C13orf42: variants seen among roughly 807,000 people sequenced by gnomAD.
C13orf42 encodes chromosome 13 open reading frame 42.
intron 1 of C13orf42, among the ~76,000 whole-genome samples, chr13:51,159,953 A>G (rs2138046775): frequency 6.6e-6 from 1 of 152,324 alleles, no homozygotes; most frequent in East Asian, 1.9e-4. Flanking sequence ...GGCAGCAGCA[A>G]GAGAGAATGA....
chr13:51,144,728 A>G (rs1422335741), intron 1 of C13orf42, among the ~76,000 whole-genome samples: 3 of 152,136 alleles, frequency 2.0e-5, no homozygotes, highest in African/African-American at 7.2e-5. Context: ...GAAGCCCCAG[A>G]TTTATCTTGG....
At chr13:51,149,728 G>A (rs919013920) in intron 1 of C13orf42, among the ~76,000 whole-genome samples, 7 of 152,236 alleles carry the variant, frequency 4.6e-5, no homozygotes, top group Admixed American at 2.6e-4. Flanking sequence ...TGCTCAGTTC[G>A]GGAAACAGTT....
chr13:51,141,768 A>G (rs1953697872), intron 1 of C13orf42, among the ~76,000 whole-genome samples: 1 of 151,538 alleles, frequency 6.6e-6, no homozygotes, highest in Non-Finnish European at 1.5e-5. Flanking sequence ...ACTGCACTCC[A>G]GCCTGGGTGA....
At chr13:51,141,117 T>TGTGC (rs1953693092) in intron 1 of C13orf42, among the ~76,000 whole-genome samples, 1 of 150,690 alleles carries the variant, frequency 6.6e-6, no homozygotes, top group Non-Finnish European at 1.5e-5. Flanking sequence ...TGTGTGTGTG[T>TGTGC]GTGTGTGTGT....
intron 1 of C13orf42, among the ~76,000 whole-genome samples, chr13:51,170,997 A>G (rs1388228078): frequency 1.3e-5 from 2 of 151,192 alleles, no homozygotes; most frequent in Non-Finnish European, 2.9e-5. Flanking sequence ...CCGCACCCTG[A>G]CCTCTTATCT....
At chr13:51,171,453 G>A (rs373921552) in intron 1 of C13orf42, among the ~76,000 whole-genome samples, 4 of 151,254 alleles carry the variant, frequency 2.6e-5, no homozygotes, top group Non-Finnish European at 4.4e-5. Context: ...TTTCCCTCCC[G>A]CCTGTCCCCT....
chr13:51,144,097 T>C (rs572514202), intron 1 of C13orf42, among the ~76,000 whole-genome samples: 13 of 152,266 alleles, frequency 8.5e-5, no homozygotes, highest in African/African-American at 3.1e-4. Flanking sequence ...CTTGTTTTGG[T>C]CCTCTTTAGA....
At chr13:51,167,436 TAAC>T (rs1276449317) in intron 1 of C13orf42, among the ~76,000 whole-genome samples, 4 of 152,304 alleles carry the variant, frequency 2.6e-5, no homozygotes, top group South Asian at 4.1e-4. Flanking sequence ...GATATTTGTC[TAAC>T]AACAATAGGT....
At chr13:51,171,503 C>A (rs2138057820) in intron 1 of C13orf42, among the ~76,000 whole-genome samples, 1 of 152,212 alleles carries the variant, frequency 6.6e-6, no homozygotes, top group African/African-American at 2.4e-5. Context: ...TTCTAATCTT[C>A]CTTTTCTACA....
At chr13:51,109,628 C>A (rs1428772663) in intron 1 of C13orf42, among the ~76,000 whole-genome samples, 1 of 151,996 alleles carries the variant, frequency 6.6e-6, no homozygotes, top group Non-Finnish European at 1.5e-5. Flanking sequence ...GTGGCAGGTG[C>A]CTGTAGTCCC....
intron 1 of C13orf42, among the ~76,000 whole-genome samples, chr13:51,089,175 GAA>G: frequency 6.6e-6 from 1 of 152,168 alleles, no homozygotes; most frequent in East Asian, 1.9e-4. Flanking sequence ...TGTCAGGAAA[GAA>G]AACAGCATCT....
At chr13:51,143,270 A>G (rs1001459434) in intron 1 of C13orf42, among the ~76,000 whole-genome samples, 16 of 152,328 alleles carry the variant, frequency 1.1e-4, no homozygotes, top group African/African-American at 3.8e-4. Flanking sequence ...CAACTCCTCA[A>G]GACTGAGGGA....
chr13:51,119,273 T>C lies in C13orf42; in HGVS notation n.137-6051A>G, dbSNP rs540571500. Among the ~76,000 whole-genome samples, 348 of 152,226 alleles carry C rather than the reference T, an allele frequency of 2.3e-3. 1 individual carries two copies. Among genetic ancestry groups the C allele is most frequent in the Middle Eastern group, 6.8e-3 (2 of 294 alleles). ...GGAAATGAGAGGTTTCAGAACTGGT[T>C]CAGTCAATAACACCTGGGTGCACTG... On this transcript the variant is annotated intron_variant and non_coding_transcript_variant, in intron 1 of 4. Transcript: ENST00000433280.
chr13:51,146,307 G>A (rs914539798), intron 1 of C13orf42, among the ~76,000 whole-genome samples: 2 of 152,092 alleles, frequency 1.3e-5, no homozygotes. Context: ...TTGTATTGAC[G>A]GATTCCTTAC....
chr13:51,164,567 G>A (rs1448139903), intron 1 of C13orf42, among the ~76,000 whole-genome samples: 1 of 152,180 alleles, frequency 6.6e-6, no homozygotes, highest in African/African-American at 2.4e-5. Context: ...GGCCGAAGTA[G>A]GAGGATTCCT....
intron 3 of C13orf42, 76 bp downstream of exon 3, chr13:51,085,243 G>A: frequency 7.7e-6 from 3 of 390,268 alleles, no homozygotes; most frequent in Non-Finnish European, 1.4e-5. Context: ...TGGGGCTGGA[G>A]GCACCTTAAG....
At chr13:51,168,231 G>C (rs1432228373) in intron 1 of C13orf42, among the ~76,000 whole-genome samples, 1 of 152,186 alleles carries the variant, frequency 6.6e-6, no homozygotes, top group Non-Finnish European at 1.5e-5. Flanking sequence ...CAGTTTGCAA[G>C]AAGCAAAGCC....
At chr13:51,145,701 G>A (rs1051534387) in intron 1 of C13orf42, among the ~76,000 whole-genome samples, 8 of 136,584 alleles carry the variant, frequency 5.9e-5, no homozygotes, top group African/African-American at 2.0e-4. Context: ...CCTTTGGAAA[G>A]ACTAATGAGA....
chr13:51,128,161 T>A (rs1166018163), intron 1 of C13orf42, among the ~76,000 whole-genome samples: 1 of 152,238 alleles, frequency 6.6e-6, no homozygotes, highest in African/African-American at 2.4e-5. Flanking sequence ...TAGCATATCA[T>A]CAAGAAATAA....
Sources: allele counts gnomAD v4.1 joint callset (sites outside exome capture counted in the v4.1 genomes callset), GRCh38; gene constraint gnomAD v4.1.1; transcripts MANE v1.5; gene names NCBI Gene and HGNC (gene_info 2026-07-23, HGNC 2026-07-21).